ESPN: variants seen among roughly 807,000 people sequenced by gnomAD.
ESPN encodes espin.
A neutral mutation model predicts 77.7 loss-of-function variants in ESPN; 68 were observed. The ratio of observed to expected loss-of-function variants is 0.87; its 90% CI spans 0.72 to 1.07. The LOEUF is 1.07. Ranked by LOEUF, ESPN falls within the 50% of genes least tolerant of loss-of-function variation. The pLI, the probability that ESPN is intolerant of heterozygous loss-of-function variation, is 0.00. For synonymous variants in ESPN, 449 were observed against 567.1 expected (o/e 0.79, Z 2.96); for missense variants, 1,060 against 1,239.0 (o/e 0.86, Z 2.17).
At chr1:6,433,528 A>C (rs1569603246) in intron 2 of ESPN, among the ~76,000 whole-genome samples, 1 of 151,932 alleles carries the variant, frequency 6.6e-6, no homozygotes, top group East Asian at 1.9e-4. Context: ...AATCACTTGA[A>C]CGCAGGAGGC....
At position 6,445,944 on chromosome 1, in the gene ESPN, C is replaced by T. The variant is rs780247972; in HGVS notation, c.1464+9C>T. 6.2e-7 allele frequency: 1 copy of T among 1,612,134 alleles called. No individual in the cohort carries two copies. The highest frequency in any genetic ancestry group is 8.5e-7 in the Non-Finnish European group (1 of 1,179,570). On this transcript the variant is annotated intron_variant, in intron 7 of 12. Transcript: ENST00000645284. ...AGGCCCTCAAGAAGGAGGTAGTGAG[C>T]CCTCACCCCCTGCCTGCCTCCCAGC...
At chr1:6,444,827 C>T (rs565942168) in intron 6 of ESPN, 145 bp downstream of exon 6, 5 of 926,102 alleles carry the variant, frequency 5.4e-6, no homozygotes, top group African/African-American at 4.9e-5. Flanking sequence ...GGAGGCGACA[C>T]CCCTTCTGGT....
intron 7 of ESPN, among the ~76,000 whole-genome samples, chr1:6,446,178 A>G (rs929324942): frequency 2.6e-5 from 4 of 152,188 alleles, no homozygotes; most frequent in Admixed American, 2.0e-4. Context: ...ACGCAGGTCC[A>G]GACAGCTGTG....
intron 10 of ESPN, 112 bp from the exon 11 acceptor site, chr1:6,457,072 G>A: frequency 9.5e-7 from 1 of 1,051,014 alleles, no homozygotes; most frequent in South Asian, 1.4e-5. Context: ...TCACACAGAT[G>A]TGCATCAAAA....
rs539509224 is a variant in ESPN, at chr1:6,460,492, G to C, written c.*346G>C. On this transcript the variant is annotated 3_prime_UTR_variant, in exon 13 of 13. Coordinates refer to ENST00000645284, the MANE Select transcript of ESPN (RefSeq NM_031475.3). ...GGTGGTGACTTTGTTTTCCTGCGGG[G>C]CTCAGCCCCCTCCAGGATGCAGCCC... 4.7e-6 allele frequency: 1 copy of C among 212,356 alleles called. No homozygotes were observed. Among genetic ancestry groups the C allele is most frequent in the Admixed American group, 5.4e-5 (1 of 18,504 alleles). The allele number at this position is 212,356 out of a possible 1,614,324, so 13.2% of individuals were successfully genotyped here.
In ESPN at chr1:6,440,791, G is replaced by T; in HGVS notation, c.841G>T (p.Glu281Ter). ...CGGGACCCCGCTGCACGACGCCGCC[G>T]AGAACGGGGAGCTAGAGGTCAGCGC... ...WGGTPLHDAA[E>*]NGELECCQIL... Residue 281 changes from glutamate (E) to a stop codon, truncating the protein, a stop_gained, in exon 4 of 13, where the codon GAG (glutamate) becomes TAG (stop). Coordinates refer to ENST00000645284, the MANE Select transcript of ESPN (RefSeq NM_031475.3). LOFTEE classifies it high-confidence loss of function. 6.6e-7 allele frequency: 1 copy of T among 1,509,942 alleles called. No individual in the cohort carries two copies. The highest frequency in any genetic ancestry group is 8.8e-7 in the Non-Finnish European group (1 of 1,137,848). 93.5% of individuals were successfully genotyped at this position (1,509,942 alleles called of 1,614,324 possible).
intron 10 of ESPN, chr1:6,455,536 G>T (rs1312307492): frequency 2.5e-6 from 1 of 398,424 alleles, no homozygotes. Flanking sequence ...CTGCTGCGTC[G>T]CGTGCCGGCA....
At position 6,428,281 on chromosome 1, in the gene ESPN, C is replaced by T. The variant is rs530495163; in HGVS notation, c.350C>T (p.Pro117Leu). 2 of 1,613,468 alleles carry T rather than the reference C, an allele frequency of 1.2e-6. No individual in the cohort carries two copies. The highest frequency in any genetic ancestry group is 2.2e-5 in the South Asian group (2 of 91,084). ...VLHLAARFGH[P>L]EVVNWLLHHG... ...CATCTGGCTGCCCGCTTCGGCCACC[C>T]CGAGGTGGTGAACTGGCTCTTGCAT... is the stretch of plus-strand genomic sequence containing the variant. The change falls in exon 2 of 13, where the codon CCC becomes CTC. Residue 117 changes from proline to leucine, a missense_variant. Physicochemically the swap from Pro to Leu is moderately conservative, Grantham distance 98. This residue lies in a region of ESPN where 556 missense variants were observed against 633.6 expected (regional missense o/e 0.88). Transcript: ENST00000645284. This position sits in a 1 kb window ranked among gnomAD's most constrained non-coding sequence, Gnocchi z 5.4.
intron 2 of ESPN, among the ~76,000 whole-genome samples, chr1:6,435,355 C>G (rs561920395): frequency 6.6e-6 from 1 of 152,196 alleles, no homozygotes; most frequent in South Asian, 2.1e-4. Flanking sequence ...TCACTCCCTG[C>G]GGCGGCGCTG....
In ESPN at chr1:6,454,778, G is replaced by T. The variant is rs1312038806; in HGVS notation, c.2326-2406G>T. The T allele has an allele frequency of 2.3e-5, 9 of 397,842 alleles. No individual in the cohort carries two copies. The Admixed American group carries it at 4.0e-4, about 18-fold the overall frequency. The allele number at this position is 397,842 out of a possible 1,614,324, so 24.6% of individuals were successfully genotyped here. A position where few individuals can be genotyped will look rare whatever the true frequency, so the allele number is the denominator to read the frequency against. ...AGAACATGGCCACGCTGCTGGCTGC[G>T]CTGGGCGGCCGGCCTGCGCACCTGG... On this transcript the variant is annotated intron_variant, in intron 10 of 12. Transcript: ENST00000645284.
intron 10 of ESPN, chr1:6,456,745 A>C (rs144196298): frequency 3.5e-6 from 1 of 289,010 alleles, no homozygotes. Flanking sequence ...TATCCACTCT[A>C]TTGGGAAGAT....
Position 6,445,781 on chromosome 1 carries a change from T to TC in ESPN, c.1316dup (p.Pro440AlafsTer29). 1.5e-6 allele frequency: 1 copy of TC among 687,312 alleles called. No homozygotes were observed. Among genetic ancestry groups the TC allele is most frequent in the Non-Finnish European group, 1.9e-6 (1 of 527,290 alleles). 42.6% of individuals were successfully genotyped at this position (687,312 alleles called of 1,614,324 possible). On this transcript the variant is annotated frameshift_variant, in exon 7 of 13. Coordinates refer to ENST00000645284, the MANE Select transcript of ESPN (RefSeq NM_031475.3). LOFTEE classifies it high-confidence loss of function. ...ACACCCCCACCACCCCCACCCAGCTTCCCCCCGCCACCCCCGCCCCCAGGC... is the reference window on the plus strand; with the variant it reads ...ACACCCCCACCACCCCCACCCAGCTTCCCCCCCGCCACCCCCGCCCCCAGGC...
At position 6,428,189 on chromosome 1, in the gene ESPN, A is replaced by G; in HGVS notation, c.295-37A>G. ...GGCCCAAGCCAGGGGCGGGGCAGCA[A>G]CAGGCTTTAGGACTTGAACCAGCTC... On this transcript the variant is annotated intron_variant, in intron 1 of 12. Coordinates refer to ENST00000645284, the MANE Select transcript of ESPN (RefSeq NM_031475.3). This position sits in a 1 kb window ranked among gnomAD's most constrained non-coding sequence, Gnocchi z 5.4. The G allele has an allele frequency of 1.9e-6, 3 of 1,610,934 alleles. No individual in the cohort carries two copies. The highest frequency in any genetic ancestry group is 1.7e-6 in the Non-Finnish European group (2 of 1,177,906).
chr1:6,459,881 A>G, intron 12 of ESPN, 118 bp from the exon 13 acceptor site: 3 of 1,295,052 alleles, frequency 2.3e-6, no homozygotes, highest in Non-Finnish European at 2.2e-6. Context: ...AGCCCTCAGT[A>G]ACCCACCCCT....
At position 6,445,761 on chromosome 1, in the gene ESPN, C is replaced by T. The variant is rs776899743; in HGVS notation, c.1290C>T (p.Pro430=). ...GGGGCACGATTGGGAAGCCCACACC[C>T]CCACCACCCCCACCCAGCTTCCCCC... ...LPRGTIGKPT[P]PPPPPSFPPP... Residue 430 remains proline, a synonymous_variant, in exon 7 of 13, where the codon CCC becomes CCT. Coordinates refer to ENST00000645284, the MANE Select transcript of ESPN (RefSeq NM_031475.3). 5 of 1,530,378 alleles carry T rather than the reference C, an allele frequency of 3.3e-6. No homozygotes were observed. Among genetic ancestry groups the T allele is most frequent in the Middle Eastern group, 2.3e-4 (1 of 4,328 alleles). 94.8% of individuals were successfully genotyped at this position (1,530,378 alleles called of 1,614,324 possible). A position where few individuals can be genotyped will look rare whatever the true frequency, so the allele number is the denominator to read the frequency against.
chr1:6,460,434 A>G lies in ESPN; in HGVS notation c.*288A>G, dbSNP rs1441003812. 2.5e-5 allele frequency: 10 copies of G among 403,222 alleles called. No homozygotes were observed. The East Asian group carries it at 5.2e-4, about 21-fold the overall frequency. 25.0% of individuals were successfully genotyped at this position (403,222 alleles called of 1,614,324 possible). A position where few individuals can be genotyped will look rare whatever the true frequency, so the allele number is the denominator to read the frequency against. On this transcript the variant is annotated 3_prime_UTR_variant, in exon 13 of 13. Transcript: ENST00000645284. ...ACATATATTTGCATGTTCGTTGACT[A>G]TCAAAGAGTGCAGAGCTCTCCCCAG...
chr1:6,454,373 G>A (rs1281256989), intron 10 of ESPN: 7 of 398,748 alleles, frequency 1.8e-5, no homozygotes, highest in Non-Finnish European at 3.1e-5. Flanking sequence ...CCGGCGCCAC[G>A]GCGGGAGCTA....
chr1:6,454,617 C>G (rs1644015884), intron 10 of ESPN: 1 of 398,460 alleles, frequency 2.5e-6, no homozygotes, highest in African/African-American at 2.1e-5. Flanking sequence ...CCTCGAGCAA[C>G]TGGAGCTGGA....
chr1:6,452,897 A>ATTTT (rs1350694225), intron 10 of ESPN, among the ~76,000 whole-genome samples: 3 of 138,808 alleles, frequency 2.2e-5, no homozygotes, highest in African/African-American at 1.0e-4. Flanking sequence ...ATTTATTTTT[A>ATTTT]TTTTTTATTT....
Sources: allele counts gnomAD v4.1 joint callset (sites outside exome capture counted in the v4.1 genomes callset), GRCh38; gene constraint gnomAD v4.1.1; regional missense constraint gnomAD v4.1.1; non-coding constraint Gnocchi (gnomAD v3.1); transcripts MANE v1.5; gene names NCBI Gene and HGNC (gene_info 2026-07-23, HGNC 2026-07-21).